PAM: variants seen among roughly 807,000 people sequenced by gnomAD.
PAM encodes the protein peptidyl-glycine alpha-amidating monooxygenase.
PAM carries 72 observed loss-of-function variants against 122.1 expected under a neutral mutation model. The ratio of observed to expected loss-of-function variants is 0.59; its 90% CI spans 0.49 to 0.72. The LOEUF (loss-of-function observed/expected upper bound fraction) is 0.72. PAM is among the 30% of genes least tolerant of loss of function. The probability of loss-of-function intolerance (pLI) is 0.00; values close to 1 mark genes in which losing one functional copy is unlikely to be tolerated. For synonymous variants in PAM, 389 were observed against 404.4 expected (o/e 0.96, Z 0.46); for missense variants, 1,106 against 1,183.7 (o/e 0.93, Z 0.96).
intron 3 of PAM, among the ~76,000 whole-genome samples, chr5:102,876,569 G>A (rs1789281167): frequency 6.6e-6 from 1 of 152,116 alleles, no homozygotes; most frequent in Non-Finnish European, 1.5e-5. Context: ...AACAAAGCTG[G>A]ACACTCCTAA....
rs561380526 is a variant in PAM, at chr5:102,775,494, C to G, written c.-374+20146C>G. Among the ~76,000 whole-genome samples the G allele has an allele frequency of 4.3e-4, 66 of 152,156 alleles. 1 individual carries two copies. Among genetic ancestry groups the G allele is most frequent in the African/African-American group, 1.5e-3 (61 of 41,518 alleles). ...CTATTTATCCTGATGCTCTCCCTCC[C>G]CACCACACCCCGAAAGGCCCCAGTG... On this transcript the variant is annotated intron_variant, in intron 1 of 25. Coordinates refer to ENST00000438793, the MANE Select transcript of PAM (RefSeq NM_001177306.2).
intron 21 of PAM, among the ~76,000 whole-genome samples, chr5:103,012,190 T>A (rs1780819771): frequency 6.6e-6 from 1 of 152,074 alleles, no homozygotes; most frequent in South Asian, 2.1e-4. Flanking sequence ...TAGTTTGCAA[T>A]TTTTTTTCCT....
At chr5:102,962,679 C>T (rs1440753663) in intron 14 of PAM, among the ~76,000 whole-genome samples, 1 of 151,734 alleles carries the variant, frequency 6.6e-6, no homozygotes, top group Non-Finnish European at 1.5e-5. Context: ...AGGTTAAAAA[C>T]CCAGGGGTTT....
At chr5:102,797,812 CA>C (rs1763751978) in intron 1 of PAM, among the ~76,000 whole-genome samples, 1 of 152,048 alleles carries the variant, frequency 6.6e-6, no homozygotes, top group African/African-American at 2.4e-5. Context: ...ATTAGCCTTC[CA>C]CCTTTCCTGT....
At chr5:102,977,639 A>AACACACACATGCATGTGCGC (rs1768109902) in intron 15 of PAM, among the ~76,000 whole-genome samples, 2 of 141,060 alleles carry the variant, frequency 1.4e-5, no homozygotes, top group Admixed American at 7.3e-5. Context: ...CAGGCTTCCC[A>AACACACACATGCATGTGCGC]ACACACACAT....
chr5:102,977,899 T>C (rs1237224401), intron 15 of PAM, among the ~76,000 whole-genome samples: 2 of 152,130 alleles, frequency 1.3e-5, no homozygotes, highest in African/African-American at 4.8e-5. Flanking sequence ...TTCTCATCTA[T>C]AAAATGAGAT....
chr5:102,905,077 T>C (rs1333225230), intron 4 of PAM, among the ~76,000 whole-genome samples: 1 of 151,672 alleles, frequency 6.6e-6, no homozygotes, highest in Non-Finnish European at 1.5e-5. Flanking sequence ...AAATTATAGC[T>C]TTCCCTAGGG....
chr5:102,977,543 C>T (rs902326428), intron 15 of PAM, among the ~76,000 whole-genome samples: 22 of 151,874 alleles, frequency 1.4e-4, no homozygotes, highest in African/African-American at 4.8e-4. Flanking sequence ...GCAACAGAAA[C>T]TTCCTGGACA....
At chr5:103,001,417 C>G (rs1366985526) in intron 16 of PAM, among the ~76,000 whole-genome samples, 1 of 151,896 alleles carries the variant, frequency 6.6e-6, no homozygotes, top group Non-Finnish European at 1.5e-5. Flanking sequence ...CCATAAATAT[C>G]TTATGAAATC....
chr5:102,874,067 A>G (rs903892819), intron 3 of PAM, among the ~76,000 whole-genome samples: 3 of 152,212 alleles, frequency 2.0e-5, no homozygotes, highest in Admixed American at 6.5e-5. Flanking sequence ...TGAGAAACTA[A>G]TATTATCTTC....
At position 102,932,555 on chromosome 5, in the gene PAM, G is replaced by A. The variant is rs142612408; in HGVS notation, c.526+5887G>A. On this transcript the variant is annotated intron_variant, in intron 7 of 25. Transcript: ENST00000438793. ...CATACACACATATATGTATGTATGTGTGTGTATGTATAGATATATATACAT... is the reference window on the plus strand; with the variant it reads ...CATACACACATATATGTATGTATGTATGTGTATGTATAGATATATATACAT... 2.6e-3 allele frequency among the ~76,000 whole-genome samples: 382 copies of A among 147,888 alleles called. 2 individuals are homozygous for A. The highest frequency in any genetic ancestry group is 8.5e-3 in the African/African-American group (341 of 40,250).
In PAM at chr5:102,873,020, T is replaced by TA. The variant is rs1223678372; in HGVS notation, c.210+5628dup. The stretch of plus-strand genomic sequence containing the variant: ...ATCTGTACACCAAACCCCCATGACA[T>TA]ACAATTTACCTGTATAGCAAACCTA... On this transcript the variant is annotated intron_variant, in intron 3 of 25. Coordinates refer to ENST00000438793, the MANE Select transcript of PAM (RefSeq NM_001177306.2). Among the ~76,000 whole-genome samples the TA allele has an allele frequency of 3.9e-5, 6 of 151,922 alleles. No homozygotes were observed. In the East Asian group the frequency reaches 1.2e-3, roughly 30 times the overall value.
intron 7 of PAM, among the ~76,000 whole-genome samples, chr5:102,940,441 T>C (rs2151892852): frequency 1.3e-5 from 2 of 148,822 alleles, no homozygotes; most frequent in East Asian, 2.0e-4. Context: ...TATATATATA[T>C]AATGCTATAT....
intron 23 of PAM, among the ~76,000 whole-genome samples, chr5:103,021,766 C>T (rs528176076): frequency 6.6e-6 from 1 of 152,210 alleles, no homozygotes; most frequent in East Asian, 1.9e-4. Context: ...ATCTCTAGAT[C>T]TTATGTTTTA....
At chr5:102,766,925 G>GTTTTTTTTTTT (rs1561386850) in intron 1 of PAM, among the ~76,000 whole-genome samples, 2 of 36,574 alleles carry the variant, frequency 5.5e-5, no homozygotes, top group African/African-American at 1.3e-4. Context: ...TTCAGTTGTG[G>GTTTTTTTTTTT]ATTTTTTTTT....
chr5:102,834,273 G>T (rs948240535), intron 1 of PAM, among the ~76,000 whole-genome samples: 8 of 152,046 alleles, frequency 5.3e-5, no homozygotes, highest in African/African-American at 1.9e-4. Context: ...CTTGAGTACA[G>T]AACTCAACAG....
chr5:103,017,272 C>G (rs753461417), intron 21 of PAM, 62 bp from the exon 22 acceptor site: 2 of 1,042,326 alleles, frequency 1.9e-6, no homozygotes, highest in Non-Finnish European at 1.5e-6. Flanking sequence ...GTTTTTCTGT[C>G]TTTTCATGAA....
intron 7 of PAM, among the ~76,000 whole-genome samples, chr5:102,930,194 A>C (rs1750993037): frequency 6.6e-6 from 1 of 152,224 alleles, no homozygotes; most frequent in Non-Finnish European, 1.5e-5. Context: ...TGTCAAGCCT[A>C]TACTAGTGCT....
chr5:102,807,068 G>A (rs147703666), intron 1 of PAM, among the ~76,000 whole-genome samples: 1,628 of 152,268 alleles, frequency 0.011, 24 homozygotes, highest in African/African-American at 0.038. Context: ...ATTTTTGATT[G>A]TGATATGAAT....
Sources: allele counts gnomAD v4.1 joint callset (sites outside exome capture counted in the v4.1 genomes callset), GRCh38; gene constraint gnomAD v4.1.1; transcripts MANE v1.5; gene names NCBI Gene and HGNC (gene_info 2026-07-23, HGNC 2026-07-21).